The following PLEKHH2 variants were observed in gnomAD, a reference collection of about 807,000 sequenced individuals.
The protein encoded by PLEKHH2 is pleckstrin homology, MyTH4 and FERM domain containing H2.
Under a neutral mutation model 187.9 loss-of-function variants are expected in PLEKHH2, and 129 were observed. That is an observed-to-expected ratio of 0.69 (90% CI 0.59 to 0.79). PLEKHH2 has a LOEUF of 0.79. Among genes scored for constraint, PLEKHH2 ranks in the 30% least tolerant of loss-of-function variants. The probability of loss-of-function intolerance (pLI) is 0.00; values close to 1 mark genes in which losing one functional copy is unlikely to be tolerated. For missense variants in PLEKHH2, 2,076 were observed against 1,751.2 expected (o/e 1.19, Z -3.31); for synonymous variants, 686 against 605.6 (o/e 1.13, Z -1.95).
Position 43,729,741 on chromosome 2 carries a change from G to A in PLEKHH2, c.2826G>A (p.Glu942=), listed in dbSNP as rs1331000703. 1 of 1,588,104 alleles carries A rather than the reference G, an allele frequency of 6.3e-7. No homozygotes were observed. Among genetic ancestry groups the A allele is most frequent in the Non-Finnish European group, 8.6e-7 (1 of 1,165,570 alleles). The stretch of plus-strand genomic sequence containing the variant: ...GCAAATTGCTAAATATAGACGGGGA[G>A]CCTTGTAAGTTCATAAACATATAAA... ...LVCKLLNIDG[E]PSSQIWRHPT... Residue 942 remains glutamate (E), a synonymous_variant, in exon 18 of 30, where the codon GAG becomes GAA. Coordinates refer to ENST00000282406, the MANE Select transcript of PLEKHH2 (RefSeq NM_172069.4).
chr2:43,649,401 A>G (rs1666358429), intron 2 of PLEKHH2, among the ~76,000 whole-genome samples: 2 of 152,370 alleles, frequency 1.3e-5, no homozygotes, highest in South Asian at 4.1e-4. Context: ...GGACATCAGC[A>G]TTGCTCGCAT....
chr2:43,700,433 T>C lies in PLEKHH2; in HGVS notation c.1475T>C (p.Val492Ala). Reference sequence around the variant, plus strand: ...CCTCAGGAAACTGATCTTGATCTAGTTGATGGAGACAGTACAGAAGTTTTA... The same window carrying C: ...CCTCAGGAAACTGATCTTGATCTAGCTGATGGAGACAGTACAGAAGTTTTA... ...LRPQETDLDL[V>A]DGDSTEVLEN... Residue 492 changes from valine to alanine, a missense_variant, in exon 8 of 30, where the codon GTT (valine) becomes GCT (alanine). Coordinates refer to ENST00000282406, the MANE Select transcript of PLEKHH2 (RefSeq NM_172069.4). 6.2e-7 allele frequency: 1 copy of C among 1,614,072 alleles called. No individual in the cohort carries two copies. Among genetic ancestry groups the C allele is most frequent in the Non-Finnish European group, 8.5e-7 (1 of 1,179,978 alleles).
intron 24 of PLEKHH2, among the ~76,000 whole-genome samples, chr2:43,752,004 A>G (rs1203289031): frequency 4.0e-5 from 6 of 151,494 alleles, no homozygotes; most frequent in Non-Finnish European, 7.4e-5. Context: ...AATAAGAGAA[A>G]ATGCACTTAA....
At chr2:43,709,253 T>C (rs893410159) in intron 11 of PLEKHH2, among the ~76,000 whole-genome samples, 1 of 152,224 alleles carries the variant, frequency 6.6e-6, no homozygotes, top group East Asian at 1.9e-4. Context: ...TAGTAGCTTA[T>C]GGAACTTGAA....
intron 20 of PLEKHH2, among the ~76,000 whole-genome samples, chr2:43,740,215 T>C (rs1671496627): frequency 6.6e-6 from 1 of 152,194 alleles, no homozygotes; most frequent in Non-Finnish European, 1.5e-5. Context: ...ACTTTTACAT[T>C]TATTTACTCT....
intron 19 of PLEKHH2, among the ~76,000 whole-genome samples, chr2:43,735,968 GA>G (rs1461307016): frequency 6.6e-6 from 1 of 152,014 alleles, no homozygotes; most frequent in Non-Finnish European, 1.5e-5. Flanking sequence ...AGAAATTTTA[GA>G]AACATTTCCA....
At chr2:43,709,969 T>A (rs764233207) in intron 11 of PLEKHH2, 21 bp from the exon 12 acceptor site, 1 of 1,592,340 alleles carries the variant, frequency 6.3e-7, no homozygotes, top group Non-Finnish European at 8.5e-7. Context: ...ACTGACTTGA[T>A]TTCTTTCTTT....
intron 15 of PLEKHH2, among the ~76,000 whole-genome samples, chr2:43,714,881 GAGA>G (rs968274589): frequency 5.3e-5 from 8 of 152,172 alleles, no homozygotes; most frequent in African/African-American, 1.9e-4. Context: ...TGACTTCTGA[GAGA>G]AGATTTACCT....
At chr2:43,640,190 C>T (rs1432876507) in intron 1 of PLEKHH2, among the ~76,000 whole-genome samples, 1 of 147,578 alleles carries the variant, frequency 6.8e-6, no homozygotes, top group Non-Finnish European at 1.5e-5. Context: ...ACTCCAATAA[C>T]TTGGTAACTT....
Position 43,742,867 on chromosome 2 carries a change from C to G in PLEKHH2, c.3348C>G (p.His1116Gln), listed in dbSNP as rs1269689802. 3.7e-6 allele frequency: 6 copies of G among 1,607,254 alleles called. No individual in the cohort carries two copies. Among genetic ancestry groups the G allele is most frequent in the Non-Finnish European group, 5.1e-6 (6 of 1,177,630 alleles). ...CAACTCTTCTCCGAAACCCTTATCA[C>G]CATTCTTTGCCCTTTAGTATACCTG... ...ILSTLLRNPY[H>Q]HSLPFSIPVH... Residue 1116 changes from histidine (H) to glutamine (Q), a missense_variant, in exon 22 of 30, where the codon CAC becomes CAG. Coordinates refer to ENST00000282406, the MANE Select transcript of PLEKHH2 (RefSeq NM_172069.4).
chr2:43,742,493 G>C (rs1671610223), intron 21 of PLEKHH2, among the ~76,000 whole-genome samples: 1 of 152,058 alleles, frequency 6.6e-6, no homozygotes, highest in Non-Finnish European at 1.5e-5. Context: ...AATTCAGCTT[G>C]TGACTATAAT....
chr2:43,644,458 C>A (rs1479218400), intron 1 of PLEKHH2, among the ~76,000 whole-genome samples: 2 of 149,540 alleles, frequency 1.3e-5, no homozygotes, highest in Non-Finnish European at 3.0e-5. Flanking sequence ...CTCCATCCAG[C>A]CTTAGTCTCC....
intron 24 of PLEKHH2, among the ~76,000 whole-genome samples, chr2:43,753,070 G>A (rs556691025): frequency 1.3e-4 from 20 of 152,236 alleles, no homozygotes; most frequent in African/African-American, 4.8e-4. Flanking sequence ...TGTGTCCAAG[G>A]TATTCAGGAA....
intron 9 of PLEKHH2, among the ~76,000 whole-genome samples, chr2:43,705,229 T>C (rs1669597429): frequency 6.6e-6 from 1 of 150,932 alleles, no homozygotes; most frequent in East Asian, 1.9e-4. Flanking sequence ...TCTGCAGTTC[T>C]TTCCATTCAG....
chr2:43,742,530 G>A (rs539048317), intron 21 of PLEKHH2, among the ~76,000 whole-genome samples: 1 of 152,244 alleles, frequency 6.6e-6, no homozygotes, highest in African/African-American at 2.4e-5. Flanking sequence ...AGAATGCTTT[G>A]TGGGGAGGTT....
rs1160704812 is a variant in PLEKHH2, at chr2:43,697,336, C to T, written c.668C>T (p.Thr223Ile). 6.2e-7 allele frequency: 1 copy of T among 1,611,112 alleles called. No individual in the cohort carries two copies. The highest frequency in any genetic ancestry group is 2.2e-5 in the East Asian group (1 of 44,818). ...SKISSKEPEF[T>I]EGKDMEEMEI... ...ATATCATCGAAAGAACCTGAGTTCA[C>T]TGAAGGAAAAGACATGGAAGGTATT... The change falls in exon 7 of 30, where the codon ACT (threonine) becomes ATT (isoleucine). Residue 223 changes from threonine to isoleucine, a missense_variant. Thr to Ile is a moderately conservative substitution (Grantham distance 89, BLOSUM62 -1). Transcript: ENST00000282406.
chr2:43,748,136 G>C (rs1395910199), intron 24 of PLEKHH2, among the ~76,000 whole-genome samples: 1 of 152,230 alleles, frequency 6.6e-6, no homozygotes, highest in African/African-American at 2.4e-5. Context: ...TATTTGAACA[G>C]ACTCTGTTGA....
At chr2:43,750,418 G>A (rs1393361100) in intron 24 of PLEKHH2, among the ~76,000 whole-genome samples, 19 of 151,818 alleles carry the variant, frequency 1.3e-4, no homozygotes, top group Non-Finnish European at 2.1e-4. Flanking sequence ...GTTGCAGTGA[G>A]CCAAATCGTG....
At chr2:43,694,850 A>G (rs1296063259) in intron 5 of PLEKHH2, among the ~76,000 whole-genome samples, 6 of 152,164 alleles carry the variant, frequency 3.9e-5, no homozygotes, top group Non-Finnish European at 8.8e-5. Context: ...TTTCATTTCT[A>G]TGGCAGTTTA....
Sources: gnomAD v4.1 joint callset for allele counts (sites outside exome capture counted in the v4.1 genomes callset) on GRCh38, gnomAD v4.1.1 for gene constraint, MANE v1.5 for transcripts, NCBI Gene and HGNC (gene_info 2026-07-23, HGNC 2026-07-21) for gene names.